Variants in SH3D19 observed in about 807,000 individuals in gnomAD.
SH3D19 encodes the protein SH3 domain containing 19, also known as SH3 domain-containing protein 19.
In SH3D19, 58 loss-of-function variants were observed where a neutral mutation model predicts 112.1. The ratio of observed to expected loss-of-function variants is 0.52; its 90% confidence interval spans 0.42 to 0.64. The LOEUF is 0.64. Among genes scored for constraint, SH3D19 ranks in the 30% least tolerant of loss-of-function variants. The pLI is 0.00. For missense variants in SH3D19, 1,090 were observed against 1,263.4 expected, an observed-to-expected ratio of 0.86 and a Z score of 2.08; for synonymous variants, 391 against 448.5, an observed-to-expected ratio of 0.87 and a Z score of 1.62.
intron 2 of SH3D19, among the ~76,000 whole-genome samples, chr4:151,224,694 TC>T (rs1768700166): frequency 6.6e-6 from 1 of 152,142 alleles, no homozygotes; most frequent in African/African-American, 2.4e-5. Context: ...CAAAGTCCTT[TC>T]TCTTACATTG....
chr4:151,183,442 C>T (rs1029757918), intron 3 of SH3D19, among the ~76,000 whole-genome samples: 4 of 152,266 alleles, frequency 2.6e-5, no homozygotes, highest in Non-Finnish European at 2.9e-5. Context: ...CCTCAGCGAT[C>T]GTCCTACTCA....
chr4:151,304,846 A>G (rs10005814), intron 1 of SH3D19, among the ~76,000 whole-genome samples: 47,802 of 152,046 alleles, frequency 0.31, 7,867 homozygotes, highest in East Asian at 0.47. Flanking sequence ...CAGAATATGC[A>G]CAAAGAAGTA....
intron 1 of SH3D19, chr4:151,282,495 C>T (rs972836987): frequency 7.0e-7 from 1 of 1,423,352 alleles, no homozygotes; most frequent in South Asian, 1.3e-5. Context: ...CATATCCTTA[C>T]CATGGAAAAT....
intron 2 of SH3D19, among the ~76,000 whole-genome samples, chr4:151,214,914 T>C (rs79470813): frequency 0.81 from 112,337 of 139,086 alleles, 46,788 homozygotes; most frequent in Non-Finnish European, 0.93. Flanking sequence ...ACTTCTCAGA[T>C]GGGGCGGTTG....
intron 1 of SH3D19, among the ~76,000 whole-genome samples, chr4:151,286,979 C>CAAA (rs772454360): frequency 9.8e-6 from 1 of 101,852 alleles, no homozygotes; most frequent in Non-Finnish European, 2.0e-5. Flanking sequence ...GATTCTGTCT[C>CAAA]AAAAATAATA....
At chr4:151,226,500 G>A (rs1769025904) in intron 1 of SH3D19, 6 of 987,068 alleles carry the variant, frequency 6.1e-6, no homozygotes, top group Non-Finnish European at 7.2e-6. Context: ...TGGGGAGGGG[G>A]AAAAATGAGC....
intron 12 of SH3D19, among the ~76,000 whole-genome samples, chr4:151,143,329 G>C (rs754507671): frequency 6.6e-6 from 1 of 151,912 alleles, no homozygotes; most frequent in Non-Finnish European, 1.5e-5. Flanking sequence ...AGTGTGTTCT[G>C]AAAGAGGAAG....
chr4:151,209,867 G>C (rs1765683304), intron 2 of SH3D19, among the ~76,000 whole-genome samples: 1 of 152,136 alleles, frequency 6.6e-6, no homozygotes, highest in Admixed American at 6.5e-5. Flanking sequence ...TTTGGAAAGT[G>C]CTCTTTTGGG....
At chr4:151,197,548 G>C (rs1763660498) in intron 2 of SH3D19, among the ~76,000 whole-genome samples, 1 of 152,222 alleles carries the variant, frequency 6.6e-6, no homozygotes, top group African/African-American at 2.4e-5. Flanking sequence ...TATTTGGGAA[G>C]AGCCTTAACC....
intron 19 of SH3D19, among the ~76,000 whole-genome samples, chr4:151,122,537 AC>A (rs1042623069): frequency 1.3e-4 from 19 of 151,554 alleles, no homozygotes; most frequent in African/African-American, 4.6e-4. Flanking sequence ...ACACACACAC[AC>A]GATTATTTAT....
intron 2 of SH3D19, among the ~76,000 whole-genome samples, chr4:151,194,411 A>G (rs1474476486): frequency 6.6e-6 from 1 of 152,044 alleles, no homozygotes; most frequent in Non-Finnish European, 1.5e-5. Context: ...GTGTCTATTA[A>G]ATGCCAGGAA....
intron 19 of SH3D19, among the ~76,000 whole-genome samples, chr4:151,122,713 A>G (rs1033678232): frequency 5.3e-5 from 8 of 152,186 alleles, no homozygotes; most frequent in African/African-American, 1.9e-4. Context: ...ATAGGCAAAG[A>G]TTTGGAGATG....
intron 15 of SH3D19, among the ~76,000 whole-genome samples, chr4:151,134,491 C>T (rs549125789): frequency 6.6e-6 from 1 of 152,304 alleles, no homozygotes; most frequent in East Asian, 1.9e-4. Flanking sequence ...AAATGTCTAG[C>T]AGTTATTGTA....
intron 1 of SH3D19, chr4:151,279,848 T>C: frequency 6.2e-7 from 1 of 1,604,840 alleles, no homozygotes. Flanking sequence ...AGGATGCTGC[T>C]GCAGGGCGCT....
At chr4:151,287,127 T>C (rs967561236) in intron 1 of SH3D19, among the ~76,000 whole-genome samples, 5 of 151,172 alleles carry the variant, frequency 3.3e-5, no homozygotes, top group African/African-American at 1.2e-4. Flanking sequence ...GATCACCTGA[T>C]GTCAGGAGTT....
At chr4:151,222,673 T>C (rs202086901) in intron 2 of SH3D19, among the ~76,000 whole-genome samples, 6 of 132,584 alleles carry the variant, frequency 4.5e-5, no homozygotes, top group South Asian at 2.5e-4. Flanking sequence ...CTCTCTTTTT[T>C]TTTTTTTTTT....
At chr4:151,161,935 CT>C (rs910043751) in intron 8 of SH3D19, among the ~76,000 whole-genome samples, 3 of 149,270 alleles carry the variant, frequency 2.0e-5, no homozygotes, top group African/African-American at 4.9e-5. Flanking sequence ...TGGCTAAATT[CT>C]TTTTTTTTAA....
chr4:151,257,093 T>G (rs934729233), intron 1 of SH3D19, among the ~76,000 whole-genome samples: 2 of 151,884 alleles, frequency 1.3e-5, no homozygotes, highest in African/African-American at 4.8e-5. Context: ...GTTTGTTTGT[T>G]TATTTATTTT....
intron 1 of SH3D19, among the ~76,000 whole-genome samples, chr4:151,251,122 C>T (rs969806722): frequency 6.6e-6 from 1 of 152,094 alleles, no homozygotes; most frequent in Non-Finnish European, 1.5e-5. Context: ...ATAACCAATA[C>T]CTGCACCCTT....
Sources: gnomAD v4.1 joint callset for allele counts (sites outside exome capture counted in the v4.1 genomes callset) on GRCh38, gnomAD v4.1.1 for gene constraint, MANE v1.5 for transcripts, NCBI Gene and HGNC (gene_info 2026-07-23, HGNC 2026-07-21) for gene names.